Variants in LRSAM1 observed in about 807,000 individuals in gnomAD.
The protein encoded by LRSAM1 is leucine rich repeat and sterile alpha motif containing 1.
LRSAM1 carries 96 observed loss-of-function variants against 118.1 expected under a neutral mutation model. That is an observed-to-expected ratio of 0.81 (90% CI 0.69 to 0.96). The LOEUF (loss-of-function observed/expected upper bound fraction) is 0.96. LRSAM1 is among the 40% of genes least tolerant of loss of function. The probability of loss-of-function intolerance (pLI) is 0.00; values close to 1 mark genes in which losing one functional copy is unlikely to be tolerated. For missense variants in LRSAM1, 804 were observed against 915.5 expected, an observed-to-expected ratio of 0.88 and a Z score of 1.57; for synonymous variants, 322 against 364.2, an observed-to-expected ratio of 0.88 and a Z score of 1.32.
intron 10 of LRSAM1, among the ~76,000 whole-genome samples, chr9:127,472,825 T>C (rs1292501104): frequency 2.6e-5 from 4 of 152,204 alleles, no homozygotes; most frequent in Non-Finnish European, 5.9e-5. Context: ...GTGGCACCTG[T>C]AGCTTCGTAG....
intron 11 of LRSAM1, among the ~76,000 whole-genome samples, chr9:127,475,215 G>A (rs1272404795): frequency 6.6e-6 from 1 of 152,136 alleles, no homozygotes; most frequent in African/African-American, 2.4e-5. Flanking sequence ...TTTCCAATCA[G>A]TAAGAAGAAA....
intron 11 of LRSAM1, among the ~76,000 whole-genome samples, chr9:127,478,327 A>G (rs967272673): frequency 1.3e-5 from 2 of 152,190 alleles, no homozygotes; most frequent in Admixed American, 6.5e-5. Flanking sequence ...CTTCACACAT[A>G]TGCTCAGAGT....
intron 16 of LRSAM1, among the ~76,000 whole-genome samples, chr9:127,484,285 C>CTTTTTT (rs1301004172): frequency 7.4e-4 from 105 of 141,604 alleles, no homozygotes; most frequent in Non-Finnish European, 9.6e-4. Context: ...TTTTTTCCTG[C>CTTTTTT]TTCTTTATTT....
intron 18 of LRSAM1, 104 bp downstream of exon 18, chr9:127,487,867 G>T: frequency 2.0e-6 from 2 of 1,004,172 alleles, no homozygotes; most frequent in East Asian, 5.3e-5. Context: ...ACAGCATGTG[G>T]GACCACAGAG....
rs772266627 is a variant in LRSAM1, at chr9:127,501,110, G to A, written c.2013G>A (p.Gln671=). 3 of 1,613,836 alleles carry A rather than the reference G, an allele frequency of 1.9e-6. No homozygotes were observed. The highest frequency in any genetic ancestry group is 1.1e-5 in the South Asian group (1 of 91,074). Residue 671 remains glutamine, a synonymous_variant, in exon 25 of 26, where the codon CAG becomes CAA. Coordinates refer to ENST00000300417, the MANE Select transcript of LRSAM1 (RefSeq NM_001005373.4). The part of the protein sequence containing the change: ...PSAPPAELEV[Q]ASECVVCLER... ...CTCCCCCTGCAGAGCTGGAGGTGCA[G>A]GCCTCAGAGTGTGTCGTGTGCCTGG...
intron 9 of LRSAM1, among the ~76,000 whole-genome samples, chr9:127,466,504 ATTTT>A (rs869115663): frequency 6.5e-4 from 16 of 24,498 alleles, no homozygotes; most frequent in African/African-American, 2.0e-3. Flanking sequence ...ATATATATAT[ATTTT>A]TTTTTTTTTT....
rs1836464847 is a variant in LRSAM1 at position 127,503,242 on chromosome 9, T to TC, written c.*345dup. On this transcript the variant is annotated 3_prime_UTR_variant, in exon 26 of 26. Transcript: ENST00000300417. ...GCCACCGCCCCTGCAGGAGCTTGGG[T>TC]CCTCATCTGGGGGCCATGCACAGGC... 5.5e-6 allele frequency: 2 copies of TC among 364,890 alleles called. No individual in the cohort carries two copies. The highest frequency in any genetic ancestry group is 4.5e-5 in the South Asian group (2 of 44,550). 22.6% of individuals were successfully genotyped at this position (364,890 alleles called of 1,614,324 possible).
chr9:127,468,804 T>C (rs544469793), intron 10 of LRSAM1, among the ~76,000 whole-genome samples: 1 of 103,384 alleles, frequency 9.7e-6, no homozygotes, highest in Non-Finnish European at 1.8e-5. Flanking sequence ...TGAAACCCTG[T>C]CTCTACAAAA....
At chr9:127,485,886 A>G (rs370608535) in intron 17 of LRSAM1, 51 bp downstream of exon 17, 1 of 1,572,180 alleles carries the variant, frequency 6.4e-7, no homozygotes, top group Non-Finnish European at 8.7e-7. Flanking sequence ...GAGCTGGCTC[A>G]GGGCCCAAGA....
chr9:127,455,216 T>C (rs889604541), intron 4 of LRSAM1, among the ~76,000 whole-genome samples, 162 bp downstream of exon 4: 58 of 152,220 alleles, frequency 3.8e-4, no homozygotes, highest in Admixed American at 3.8e-3. Flanking sequence ...TAATTGAAGA[T>C]GATCCTTTGG....
intron 24 of LRSAM1, among the ~76,000 whole-genome samples, chr9:127,500,641 A>G (rs1055955471): frequency 6.6e-6 from 1 of 152,144 alleles, no homozygotes; most frequent in African/African-American, 2.4e-5. Context: ...AGATGGCCAC[A>G]TGGCCCTGGG....
chr9:127,464,767 C>T (rs1834871001), intron 9 of LRSAM1, among the ~76,000 whole-genome samples: 1 of 151,870 alleles, frequency 6.6e-6, no homozygotes, highest in African/African-American at 2.4e-5. Context: ...CTCAGCCTCC[C>T]AAGAGACTGG....
rs772879678 is a variant in LRSAM1 at position 127,466,518 on chromosome 9, TTTTTTTTTTTTTC to T, written c.529-1221_529-1209del. On this transcript the variant is annotated intron_variant, in intron 9 of 25. Coordinates refer to ENST00000300417, the MANE Select transcript of LRSAM1 (RefSeq NM_001005373.4). ...TATATATATATATTTTTTTTTTTTTTTTTTTTTTTTTTCCACTAGAGATGGGGTCTCGCTATGT... is the reference window on the plus strand; with the variant it reads ...TATATATATATATTTTTTTTTTTTTTCACTAGAGATGGGGTCTCGCTATGT... Among the ~76,000 whole-genome samples the T allele has an allele frequency of 2.0e-3, 181 of 90,622 alleles. 2 individuals are homozygous for T. The highest frequency in any genetic ancestry group is 4.8e-3 in the East Asian group (15 of 3,114). 59.5% of individuals were successfully genotyped at this position (90,622 alleles called of 152,430 possible).
intron 12 of LRSAM1, among the ~76,000 whole-genome samples, 190 bp downstream of exon 12, chr9:127,479,153 G>A (rs768380430): frequency 2.6e-5 from 4 of 152,186 alleles, no homozygotes; most frequent in Admixed American, 6.5e-5. Flanking sequence ...TGGGACAGGT[G>A]CAGAGACTGA....
chr9:127,479,430 G>A lies in LRSAM1; in HGVS notation c.828G>A (p.Leu276=), dbSNP rs1835450076. The A allele has an allele frequency of 1.2e-6, 2 of 1,614,078 alleles. No individual in the cohort carries two copies. The highest frequency in any genetic ancestry group is 1.7e-5 in the Admixed American group (1 of 60,006). The change falls in exon 13 of 26, where the codon CTG becomes CTA. Residue 276 remains leucine (L), a synonymous_variant. Transcript: ENST00000300417. The stretch of plus-strand genomic sequence containing the variant: ...TCGAGTTTGAACGGCGCCTGGAACT[G>A]GGGCAGCGGGAGCACACCCAGCTCC... ...EKLEFERRLE[L]GQREHTQLLQ...
intron 24 of LRSAM1, 124 bp downstream of exon 24, chr9:127,497,458 C>A: frequency 1.0e-6 from 1 of 997,028 alleles, no homozygotes; most frequent in Non-Finnish European, 1.5e-6. Flanking sequence ...CTCTGCTGGT[C>A]GGTAAGGTTT....
In LRSAM1 at chr9:127,459,056, G is replaced by C. The variant is rs1392534147; in HGVS notation, c.306G>C (p.Gln102His). 4.3e-6 allele frequency: 7 copies of C among 1,613,532 alleles called. No homozygotes were observed. Among genetic ancestry groups the C allele is most frequent in the Non-Finnish European group, 5.9e-6 (7 of 1,180,030 alleles). ...CAGCCCTTCCTGACGATCTGGGGCA[G>C]CTGACTGCCCTCCAGGTAAGGCTGC... The part of the protein sequence containing the change: ...QLTALPDDLG[Q>H]LTALQVLNVE... The change falls in exon 7 of 26, where the codon CAG becomes CAC. Residue 102 changes from glutamine (Q) to histidine (H), a missense_variant. Transcript: ENST00000300417.
At chr9:127,499,375 C>CAA (rs1836282076) in intron 24 of LRSAM1, among the ~76,000 whole-genome samples, 1 of 150,504 alleles carries the variant, frequency 6.6e-6, no homozygotes, top group Admixed American at 6.6e-5. Context: ...GTCTCAAAAA[C>CAA]AAAACAAAAA....
rs775108432 is a variant in LRSAM1, at chr9:127,479,996, G to A, written c.1043+18G>A. 1.7e-5 allele frequency: 28 copies of A among 1,614,122 alleles called. No homozygotes were observed. The highest frequency in any genetic ancestry group is 1.6e-4 in the East Asian group (7 of 44,870). ...AATCAGAGGTTGGGCTCTGCTCCTC[G>A]GCCCCAGCCCCAGAGTCCTTCCCCG... On this transcript the variant is annotated intron_variant, in intron 14 of 25. Coordinates refer to ENST00000300417, the MANE Select transcript of LRSAM1 (RefSeq NM_001005373.4).
Sources: gnomAD v4.1 joint callset for allele counts (sites outside exome capture counted in the v4.1 genomes callset) on GRCh38, gnomAD v4.1.1 for gene constraint, MANE v1.5 for transcripts, NCBI Gene and HGNC (gene_info 2026-07-23, HGNC 2026-07-21) for gene names.